The following GPC6 variants were observed in gnomAD, a reference collection of about 807,000 sequenced individuals.
GPC6 encodes glypican-6.
GPC6 carries 14 observed loss-of-function variants against 55.2 expected under a neutral mutation model. That is an observed-to-expected ratio of 0.25 (90% CI 0.17 to 0.40). GPC6 has a LOEUF of 0.40. Ranked by LOEUF, GPC6 falls within the 10% of genes least tolerant of loss-of-function variation. The pLI, the probability that GPC6 is intolerant of heterozygous loss-of-function variation, is 1.00. For missense variants in GPC6, 641 were observed against 708.5 expected (o/e 0.90, Z 1.08); for synonymous variants, 278 against 259.6 (o/e 1.07, Z -0.68).
At chr13:93,261,891 G>T (rs969688715) in intron 1 of GPC6, among the ~76,000 whole-genome samples, 1 of 150,204 alleles carries the variant, frequency 6.7e-6, no homozygotes, top group African/African-American at 2.5e-5. Flanking sequence ...TAGACTTTCT[G>T]GCATTATTCA....
chr13:94,285,744 A>G (rs1442050786), intron 4 of GPC6, among the ~76,000 whole-genome samples: 1 of 152,234 alleles, frequency 6.6e-6, no homozygotes. Flanking sequence ...TTGAGAGCTT[A>G]TAATGTGATG....
At chr13:93,447,436 G>A (rs1298646381) in intron 1 of GPC6, among the ~76,000 whole-genome samples, 1 of 152,086 alleles carries the variant, frequency 6.6e-6, no homozygotes, top group Non-Finnish European at 1.5e-5. Flanking sequence ...CCACAGATTG[G>A]TTTGGCACAT....
At chr13:94,304,395 G>A (rs1327302839) in intron 5 of GPC6, among the ~76,000 whole-genome samples, 1 of 152,154 alleles carries the variant, frequency 6.6e-6, no homozygotes, top group Non-Finnish European at 1.5e-5. Context: ...GTACTTCAGT[G>A]GAATCACATC....
chr13:93,946,319 A>G (rs889360967), intron 3 of GPC6, among the ~76,000 whole-genome samples: 8 of 152,208 alleles, frequency 5.3e-5, no homozygotes, highest in Non-Finnish European at 1.2e-4. Flanking sequence ...TTTTGTAGAC[A>G]TGAGGTCTTG....
chr13:93,548,132 G>C (rs1874930136), intron 2 of GPC6, among the ~76,000 whole-genome samples: 1 of 152,114 alleles, frequency 6.6e-6, no homozygotes, highest in African/African-American at 2.4e-5. Flanking sequence ...AAAAGACTTT[G>C]AGTTTATTTT....
chr13:93,389,910 A>G (rs1225321660), intron 1 of GPC6, among the ~76,000 whole-genome samples: 1 of 152,160 alleles, frequency 6.6e-6, no homozygotes, highest in Non-Finnish European at 1.5e-5. Context: ...TTCCTGGGTC[A>G]CAGACTTTAA....
intron 4 of GPC6, among the ~76,000 whole-genome samples, chr13:94,173,752 AT>A (rs1482294168): frequency 6.6e-6 from 1 of 152,170 alleles, no homozygotes; most frequent in South Asian, 2.1e-4. Flanking sequence ...GCATGTTTTG[AT>A]TCCCCATCTG....
At chr13:94,402,551 C>T (rs1881188051) in intron 8 of GPC6, among the ~76,000 whole-genome samples, 2 of 152,138 alleles carry the variant, frequency 1.3e-5, no homozygotes, top group African/African-American at 4.8e-5. Context: ...TGCCTCCCAC[C>T]ACCATGCCCC....
intron 2 of GPC6, among the ~76,000 whole-genome samples, chr13:93,816,124 T>A (rs1321285404): frequency 6.6e-6 from 1 of 152,184 alleles, no homozygotes; most frequent in East Asian, 1.9e-4. Context: ...CATTTAAATC[T>A]AAGATTGATT....
chr13:94,319,833 T>C (rs1327395046), intron 6 of GPC6, among the ~76,000 whole-genome samples: 2 of 152,308 alleles, frequency 1.3e-5, no homozygotes, highest in East Asian at 1.9e-4. Flanking sequence ...AATTTCGTCA[T>C]AATGTGTAGG....
At chr13:93,432,462 T>C (rs767083495) in intron 1 of GPC6, among the ~76,000 whole-genome samples, 1 of 152,132 alleles carries the variant, frequency 6.6e-6, no homozygotes, top group East Asian at 1.9e-4. Context: ...CAAGAACCAG[T>C]CACACAAATA....
At chr13:93,770,002 G>A (rs774933517) in intron 2 of GPC6, among the ~76,000 whole-genome samples, 5 of 152,148 alleles carry the variant, frequency 3.3e-5, no homozygotes, top group African/African-American at 4.8e-5. Flanking sequence ...AGGAACGAAG[G>A]ATTTCCTGAG....
At chr13:93,690,172 G>A (rs1045966247) in intron 2 of GPC6, among the ~76,000 whole-genome samples, 33 of 152,102 alleles carry the variant, frequency 2.2e-4, no homozygotes, top group Admixed American at 1.4e-3. Flanking sequence ...AAGTTTGCCT[G>A]GAGTAAGGAG....
intron 1 of GPC6, among the ~76,000 whole-genome samples, chr13:93,484,926 CAATA>C (rs1244410163): frequency 6.6e-6 from 1 of 152,020 alleles, no homozygotes; most frequent in Non-Finnish European, 1.5e-5. Flanking sequence ...AGTTATTCTT[CAATA>C]AATAAATACA....
chr13:94,044,074 T>C (rs558314040), intron 4 of GPC6, among the ~76,000 whole-genome samples: 44 of 151,912 alleles, frequency 2.9e-4, no homozygotes, highest in Non-Finnish European at 4.9e-4. Flanking sequence ...ACAAAAGTTA[T>C]GTGTTTAGCT....
At chr13:93,580,150 G>C (rs1312798363) in intron 2 of GPC6, among the ~76,000 whole-genome samples, 1 of 152,132 alleles carries the variant, frequency 6.6e-6, no homozygotes, top group African/African-American at 2.4e-5. Flanking sequence ...TTCAAAGTCT[G>C]ATGAGGGCCT....
At chr13:93,425,217 T>C (rs1877079044) in intron 1 of GPC6, among the ~76,000 whole-genome samples, 1 of 152,322 alleles carries the variant, frequency 6.6e-6, no homozygotes, top group South Asian at 2.1e-4. Flanking sequence ...ACTTTTTGCC[T>C]CAGCTTTTAC....
chr13:94,396,940 C>T (rs1880921465), intron 7 of GPC6, among the ~76,000 whole-genome samples: 1 of 152,122 alleles, frequency 6.6e-6, no homozygotes, highest in African/African-American at 2.4e-5. Context: ...CACTAAGCCT[C>T]AGTTTTCTGT....
chr13:93,888,597 A>G (rs1418262997), intron 3 of GPC6, among the ~76,000 whole-genome samples: 1 of 152,206 alleles, frequency 6.6e-6, no homozygotes, highest in African/African-American at 2.4e-5. Context: ...TCTGAACACC[A>G]GAAATCTCCC....
Sources: allele counts gnomAD v4.1 joint callset (sites outside exome capture counted in the v4.1 genomes callset), GRCh38; gene constraint gnomAD v4.1.1; transcripts MANE v1.5; gene names NCBI Gene and HGNC (gene_info 2026-07-23, HGNC 2026-07-21).